TSPAN7: variants seen among roughly 807,000 people sequenced by gnomAD.
The protein encoded by TSPAN7 is tetraspanin 7, also known as tetraspanin-7.
TSPAN7 carries 1 observed loss-of-function variant against 17.6 expected under a neutral mutation model. That is an observed-to-expected ratio of 0.06 (90% CI 0.02 to 0.27). The LOEUF (loss-of-function observed/expected upper bound fraction) is 0.27. Ranked by LOEUF, TSPAN7 falls within the 10% of genes least tolerant of loss-of-function variation. TSPAN7 has a pLI of 1.00. For missense variants in TSPAN7, 112 were observed against 201.7 expected (o/e 0.56, Z 2.69); for synonymous variants, 78 against 79.0 (o/e 0.99, Z 0.07).
chrX:38,610,123 T>A (rs1340826185), intron 1 of TSPAN7, among the ~76,000 whole-genome samples: 2 of 111,954 alleles, frequency 1.8e-5, no homozygotes, highest in Non-Finnish European at 3.8e-5. Flanking sequence ...CAGCAAACAT[T>A]ACTAAGACAT....
intron 1 of TSPAN7, among the ~76,000 whole-genome samples, chrX:38,644,941 G>A (rs1033145416): frequency 8.9e-6 from 1 of 112,092 alleles, no homozygotes; most frequent in Admixed American, 9.4e-5. Context: ...GGTAAGTGGT[G>A]TGGAACAGGA....
intron 1 of TSPAN7, among the ~76,000 whole-genome samples, chrX:38,647,747 TG>T (rs67035249): frequency 0.27 from 29,527 of 110,992 alleles, 3,435 homozygotes; most frequent in East Asian, 0.67. Context: ...GGTTTGATTA[TG>T]GAAGAGTCCA....
rs1158560525 is a variant in TSPAN7 at position 38,676,911 on chromosome X, C to G, written c.597+1051C>G. On this transcript the variant is annotated intron_variant, in intron 5 of 7. Coordinates refer to ENST00000378482, the MANE Select transcript of TSPAN7 (RefSeq NM_004615.4). ...CCTCATGGACATCCCCACTGAGTAC[C>G]CATACGTGTCATTATGCTTCCATTT... is the stretch of plus-strand genomic sequence containing the variant. 7.1e-5 allele frequency among the ~76,000 whole-genome samples: 8 copies of G among 111,983 alleles called. No individual in the cohort carries two copies. The Admixed American group carries it at 7.6e-4, about 11-fold the overall frequency.
chrX:38,630,625 A>G (rs923253456), intron 1 of TSPAN7, among the ~76,000 whole-genome samples: 8 of 112,190 alleles, frequency 7.1e-5, no homozygotes, highest in Non-Finnish European at 1.1e-4. Flanking sequence ...TACTATTCTG[A>G]TGTAATGATT....
chrX:38,567,030 C>T (rs1407829920), intron 1 of TSPAN7, among the ~76,000 whole-genome samples: 3 of 111,414 alleles, frequency 2.7e-5, no homozygotes, highest in African/African-American at 9.8e-5. Context: ...GATAAAATAT[C>T]AGCGATTTGT....
At chrX:38,687,751 A>C (rs1175529004) in intron 7 of TSPAN7, 77 bp downstream of exon 7, 9 of 834,677 alleles carry the variant, frequency 1.1e-5, no homozygotes, top group Non-Finnish European at 1.5e-5. Flanking sequence ...GTGCAGGAGT[A>C]CTCCCTGGCC....
intron 1 of TSPAN7, among the ~76,000 whole-genome samples, chrX:38,621,819 G>C (rs1297778083): frequency 8.9e-6 from 1 of 112,328 alleles, no homozygotes; most frequent in Non-Finnish European, 1.9e-5. Context: ...CAGAAACATA[G>C]CATCCAAACT....
At chrX:38,643,734 A>G (rs2147436743) in intron 1 of TSPAN7, among the ~76,000 whole-genome samples, 1 of 108,758 alleles carries the variant, frequency 9.2e-6, no homozygotes, top group East Asian at 2.9e-4. Context: ...AGTCCCAGCT[A>G]CTCAGGAGGC....
intron 1 of TSPAN7, among the ~76,000 whole-genome samples, chrX:38,597,524 G>A (rs2069324483): frequency 9.0e-6 from 1 of 111,084 alleles, no homozygotes; most frequent in Admixed American, 9.6e-5. Flanking sequence ...TGTTGGCTGC[G>A]AGTTAATGAT....
chrX:38,686,217 C>T (rs1438551797), intron 6 of TSPAN7, among the ~76,000 whole-genome samples: 1 of 112,265 alleles, frequency 8.9e-6, no homozygotes, highest in East Asian at 2.8e-4. Flanking sequence ...ATGATGCCTC[C>T]TTACCTGAAA....
intron 1 of TSPAN7, among the ~76,000 whole-genome samples, chrX:38,603,668 G>A (rs981263568): frequency 3.6e-5 from 4 of 111,212 alleles, no homozygotes; most frequent in African/African-American, 1.3e-4. Context: ...TGTATAAAAT[G>A]ATCCAGAATA....
chrX:38,658,633 G>A (rs1365174522), intron 1 of TSPAN7, among the ~76,000 whole-genome samples: 2 of 111,544 alleles, frequency 1.8e-5, no homozygotes, highest in Admixed American at 9.5e-5. Context: ...TCTAGTGACA[G>A]TCTTCCTCAA....
chrX:38,660,631 A>T (rs970978611), intron 1 of TSPAN7, among the ~76,000 whole-genome samples: 2 of 112,382 alleles, frequency 1.8e-5, no homozygotes, highest in African/African-American at 6.5e-5. Flanking sequence ...GTTGCTATGA[A>T]GGAATTAACC....
chrX:38,649,494 T>G (rs748950028), intron 1 of TSPAN7, among the ~76,000 whole-genome samples: 1 of 112,191 alleles, frequency 8.9e-6, no homozygotes, highest in East Asian at 2.8e-4. Context: ...GTCAAGGACC[T>G]AAGCCACACT....
At chrX:38,573,343 G>T in intron 1 of TSPAN7, among the ~76,000 whole-genome samples, 1 of 111,622 alleles carries the variant, frequency 9.0e-6, no homozygotes, top group East Asian at 2.8e-4. Context: ...CTGTCATTGG[G>T]ATAAAGGTAT....
intron 1 of TSPAN7, chrX:38,562,823 C>T: frequency 3.0e-6 from 1 of 327,980 alleles, no homozygotes; most frequent in Non-Finnish European, 4.8e-6. Flanking sequence ...CCTTGTCCCC[C>T]AAATCTGGGT....
chrX:38,651,966 T>G (rs939930761), intron 1 of TSPAN7, among the ~76,000 whole-genome samples: 3 of 111,890 alleles, frequency 2.7e-5, no homozygotes, highest in African/African-American at 9.8e-5. Flanking sequence ...CTAAGTGATG[T>G]AGAGTGTATT....
intron 1 of TSPAN7, among the ~76,000 whole-genome samples, chrX:38,641,370 A>G (rs1392362643): frequency 2.7e-5 from 3 of 112,072 alleles, no homozygotes; most frequent in African/African-American, 9.7e-5. Flanking sequence ...TTAACTGCTG[A>G]ACCTATTATT....
chrX:38,608,010 C>T (rs1178848511), intron 1 of TSPAN7, among the ~76,000 whole-genome samples: 1 of 110,824 alleles, frequency 9.0e-6, no homozygotes, highest in African/African-American at 3.3e-5. Context: ...CAGCCTGGTC[C>T]CTGGTAGGGA....
Sources: gnomAD v4.1 joint callset for allele counts (sites outside exome capture counted in the v4.1 genomes callset) on GRCh38, gnomAD v4.1.1 for gene constraint, MANE v1.5 for transcripts, NCBI Gene and HGNC (gene_info 2026-07-23, HGNC 2026-07-21) for gene names.